Variants in TOX3 observed in about 807,000 individuals in gnomAD.
TOX3 encodes the protein CAG trinucleotide repeat-containing gene F9 protein.
TOX3 carries 22 observed loss-of-function variants against 64.3 expected under a neutral mutation model. The ratio of observed to expected loss-of-function variants is 0.34; its 90% CI spans 0.24 to 0.49. The LOEUF is 0.49. Ranked by LOEUF, TOX3 falls within the 20% of genes least tolerant of loss-of-function variation. The pLI is 0.99. For synonymous variants in TOX3, 291 were observed against 273.6 expected, an observed-to-expected ratio of 1.06 and a Z score of -0.63; for missense variants, 661 against 714.4, an observed-to-expected ratio of 0.93 and a Z score of 0.85.
At chr16:52,465,542 G>A (rs566781361) in intron 2 of TOX3, among the ~76,000 whole-genome samples, 1 of 142,310 alleles carries the variant, frequency 7.0e-6, no homozygotes, top group South Asian at 2.3e-4. Context: ...CTAGCTCAGA[G>A]AGTCAAACTT....
chr16:52,545,382 T>C (rs960715938), intron 1 of TOX3, among the ~76,000 whole-genome samples: 3 of 152,168 alleles, frequency 2.0e-5, no homozygotes, highest in Admixed American at 6.5e-5. Flanking sequence ...GAGACCCTAA[T>C]GGTCTTTTAC....
intron 3 of TOX3, among the ~76,000 whole-genome samples, chr16:52,453,558 G>T (rs1411342262): frequency 6.6e-6 from 1 of 152,084 alleles, no homozygotes; most frequent in Non-Finnish European, 1.5e-5. Context: ...AAATTCTAGG[G>T]CACATTTAAA....
rs1960608930 is a variant in TOX3 at position 52,458,973 on chromosome 16, A to G, written c.408+4961T>C. Among the ~76,000 whole-genome samples, 5 of 152,312 alleles carry G rather than the reference A, an allele frequency of 3.3e-5. No homozygotes were observed. In the South Asian group the frequency reaches 1.0e-3, roughly 32 times the overall value. On this transcript the variant is annotated intron_variant, in intron 3 of 6. Transcript: ENST00000219746. ...AGGGGACACTGGTAGTCAAAAAAAA[A>G]GAAAGAAACACAAAACAATTTCACA...
intron 1 of TOX3, among the ~76,000 whole-genome samples, chr16:52,544,636 T>C (rs1477074): frequency 0.51 from 78,110 of 152,074 alleles, 20,494 homozygotes; most frequent in East Asian, 0.63. Context: ...AGCCAACTTG[T>C]ATCCACACTC....
intron 1 of TOX3, among the ~76,000 whole-genome samples, chr16:52,475,904 A>G (rs1961194117): frequency 6.6e-6 from 1 of 152,160 alleles, no homozygotes; most frequent in African/African-American, 2.4e-5. Context: ...TGTATTTTTA[A>G]CCAGCTTTGA....
At chr16:52,479,885 C>T (rs1301000360) in intron 1 of TOX3, among the ~76,000 whole-genome samples, 1 of 152,328 alleles carries the variant, frequency 6.6e-6, no homozygotes, top group South Asian at 2.1e-4. Flanking sequence ...TCTACTGATG[C>T]ACACAGTGGG....
At chr16:52,513,700 A>G (rs756246818) in intron 1 of TOX3, among the ~76,000 whole-genome samples, 1 of 152,222 alleles carries the variant, frequency 6.6e-6, no homozygotes, top group Admixed American at 6.5e-5. Context: ...GAGATAGGCC[A>G]ATCTAAAACT....
At chr16:52,530,322 T>G (rs1962822463) in intron 1 of TOX3, among the ~76,000 whole-genome samples, 1 of 145,090 alleles carries the variant, frequency 6.9e-6, no homozygotes, top group Non-Finnish European at 1.5e-5. Context: ...AACTTAGGGT[T>G]GAACTGCCCC....
chr16:52,519,098 G>A (rs868568297), intron 1 of TOX3, among the ~76,000 whole-genome samples: 1 of 152,186 alleles, frequency 6.6e-6, no homozygotes, highest in African/African-American at 2.4e-5. Context: ...AAAGGGAAAT[G>A]GTATCATGCG....
Position 52,546,822 on chromosome 16 carries a change from G to C in TOX3, c.-99C>G. On this transcript the variant is annotated 5_prime_UTR_variant, in exon 1 of 7. Transcript: ENST00000219746. The stretch of plus-strand genomic sequence containing the variant: ...TAGATCCACCGTCGAGGGCGCCCGG[G>C]GGTGGCGCGTGGGACTCGCGGCCGG... 1 of 1,275,566 alleles carries C rather than the reference G, an allele frequency of 7.8e-7. No individual in the cohort carries two copies. Among genetic ancestry groups the C allele is most frequent in the Non-Finnish European group, 9.9e-7 (1 of 1,011,868 alleles). 79.0% of individuals were successfully genotyped at this position (1,275,566 alleles called of 1,614,324 possible).
At chr16:52,455,408 A>G (rs1371653687) in intron 3 of TOX3, among the ~76,000 whole-genome samples, 3 of 152,136 alleles carry the variant, frequency 2.0e-5, no homozygotes, top group African/African-American at 7.2e-5. Flanking sequence ...CAAAATGTAT[A>G]CAGACATTAG....
At chr16:52,539,678 C>T (rs182870505) in intron 1 of TOX3, among the ~76,000 whole-genome samples, 1 of 152,178 alleles carries the variant, frequency 6.6e-6, no homozygotes, top group African/African-American at 2.4e-5. Flanking sequence ...GGTTGTTCAG[C>T]CCCAAACTCT....
At chr16:52,500,421 G>T (rs1438291221) in intron 1 of TOX3, among the ~76,000 whole-genome samples, 1 of 152,140 alleles carries the variant, frequency 6.6e-6, no homozygotes, top group East Asian at 1.9e-4. Flanking sequence ...TCGATCATAT[G>T]AAGCAATAAT....
At chr16:52,530,330 C>G (rs1962822568) in intron 1 of TOX3, among the ~76,000 whole-genome samples, 1 of 119,982 alleles carries the variant, frequency 8.3e-6, no homozygotes, top group South Asian at 2.5e-4. Flanking sequence ...GTTGAACTGC[C>G]CCCCACCCCA....
intron 1 of TOX3, among the ~76,000 whole-genome samples, chr16:52,540,470 C>G (rs953197717): frequency 2.0e-5 from 3 of 152,122 alleles, no homozygotes; most frequent in African/African-American, 7.2e-5. Context: ...TTTCCAACAG[C>G]CTTCTTCCTT....
chr16:52,438,255 T>C lies in TOX3; in HGVS notation c.*970A>G, dbSNP rs929748402. On this transcript the variant is annotated 3_prime_UTR_variant, in exon 7 of 7. Coordinates refer to ENST00000219746, the MANE Select transcript of TOX3 (RefSeq NM_001080430.4). ...TGTCACCAGTGTTTACGTTAAAGCC[T>C]CATTTAGGAAAACTTTACAGCACAT... 15 of 152,634 alleles carry C rather than the reference T, an allele frequency of 9.8e-5. No individual in the cohort carries two copies. Among genetic ancestry groups the C allele is most frequent in the African/African-American group, 3.6e-4 (15 of 41,456 alleles). The allele number at this position is 152,634 out of a possible 1,614,324, so 9.5% of individuals were successfully genotyped here. A position where few individuals can be genotyped will look rare whatever the true frequency, so the allele number is the denominator to read the frequency against.
chr16:52,519,342 A>T, intron 1 of TOX3: 18 of 1,470,010 alleles, frequency 1.2e-5, no homozygotes, highest in Non-Finnish European at 1.7e-5. Context: ...CAAACTGATA[A>T]AAGACACTAT....
At chr16:52,486,022 G>C (rs139032502) in intron 1 of TOX3, among the ~76,000 whole-genome samples, 154 of 152,320 alleles carry the variant, frequency 1.0e-3, no homozygotes, top group African/African-American at 3.4e-3. Context: ...TTTAAACATT[G>C]TTGGGGTTGA....
chr16:52,488,523 G>C (rs1456821236), intron 1 of TOX3, among the ~76,000 whole-genome samples: 7 of 152,194 alleles, frequency 4.6e-5, no homozygotes. Flanking sequence ...AAAGACACAA[G>C]AAGTGTTTGG....
Sources: gnomAD v4.1 joint callset for allele counts (sites outside exome capture counted in the v4.1 genomes callset) on GRCh38, gnomAD v4.1.1 for gene constraint, MANE v1.5 for transcripts, NCBI Gene and HGNC (gene_info 2026-07-23, HGNC 2026-07-21) for gene names.